PLA2G7: variants seen among roughly 807,000 people sequenced by gnomAD.
The protein encoded by PLA2G7 is phospholipase A2 group VII.
A neutral mutation model predicts 49.6 loss-of-function variants in PLA2G7; 63 were observed. That is an observed-to-expected ratio of 1.27 (90% CI 1.04 to 1.57). PLA2G7 has a LOEUF of 1.57. Ranked by LOEUF, PLA2G7 falls within the 40% of genes most tolerant of loss-of-function variation. The pLI, the probability that PLA2G7 is intolerant of heterozygous loss-of-function variation, is 0.00. For synonymous variants in PLA2G7, 193 were observed against 169.9 expected (o/e 1.14, Z -1.06); for missense variants, 596 against 521.2 (o/e 1.14, Z -1.40).
chr6:46,711,686 A>T, intron 6 of PLA2G7, 67 bp from the exon 7 acceptor site: 1 of 1,531,732 alleles, frequency 6.5e-7, no homozygotes, highest in Non-Finnish European at 9.0e-7. Context: ...CATGTTTCTC[A>T]GTTCCATCCT....
At chr6:46,705,606 A>G (rs1764791898) in intron 10 of PLA2G7, among the ~76,000 whole-genome samples, 1 of 152,220 alleles carries the variant, frequency 6.6e-6, no homozygotes, top group Non-Finnish European at 1.5e-5. Flanking sequence ...CAGTTTGAAT[A>G]CTGGAATGTG....
chr6:46,705,152 C>T lies in PLA2G7; in HGVS notation c.1189+1G>A, dbSNP rs1764766892. The T allele has an allele frequency of 6.2e-7, 1 of 1,605,256 alleles. No homozygotes were observed. Among genetic ancestry groups the T allele is most frequent in the Non-Finnish European group, 8.5e-7 (1 of 1,172,592 alleles). On this transcript the variant is annotated splice_donor_variant, in intron 11 of 11. Transcript: ENST00000274793. LOFTEE classifies it high-confidence loss of function. ...AGGTCATGAAAAAAATAGTTTCTTA[C>T]CTAAATGCTTTTGTAAGAATGCTAA...
At position 46,714,452 on chromosome 6, in the gene PLA2G7, A is replaced by C; in HGVS notation, c.470+8T>G. On this transcript the variant is annotated splice_region_variant and intron_variant, in intron 5 of 11. Coordinates refer to ENST00000274793, the MANE Select transcript of PLA2G7 (RefSeq NM_005084.4). ...GAAGCCAAAATTGTTCAACCTCTCA[A>C]ACATTACCTGAATGCCCCAAGACCA... 1 of 1,580,806 alleles carries C rather than the reference A, an allele frequency of 6.3e-7. No individual in the cohort carries two copies. Among genetic ancestry groups the C allele is most frequent in the African/African-American group, 1.3e-5 (1 of 74,260 alleles).
intron 8 of PLA2G7, among the ~76,000 whole-genome samples, chr6:46,710,161 T>C (rs1190017448): frequency 6.6e-6 from 1 of 152,146 alleles, no homozygotes; most frequent in Non-Finnish European, 1.5e-5. Flanking sequence ...TTTGAGTCTT[T>C]GTTCATGCTG....
At chr6:46,712,396 C>T in intron 5 of PLA2G7, 59 bp from the exon 6 acceptor site, 2 of 1,309,012 alleles carry the variant, frequency 1.5e-6, no homozygotes, top group Non-Finnish European at 2.2e-6. Context: ...AGGCTGAGTC[C>T]ACTAATAAAA....
intron 2 of PLA2G7, among the ~76,000 whole-genome samples, 161 bp from the exon 3 acceptor site, chr6:46,717,257 T>C (rs1765240730): frequency 6.6e-6 from 1 of 152,220 alleles, no homozygotes. Context: ...GTCTGCTCTG[T>C]TTGAAACACT....
In PLA2G7 at chr6:46,722,939, G is replaced by T; in HGVS notation, c.-34-14C>A. The T allele has an allele frequency of 9.2e-7, 1 of 1,086,072 alleles. No homozygotes were observed. The highest frequency in any genetic ancestry group is 1.4e-6 in the Non-Finnish European group (1 of 707,790). 67.3% of individuals were successfully genotyped at this position (1,086,072 alleles called of 1,614,324 possible). ...CAGCTTAGTCTCCTTCGAAGCAGATGATTAAAAGAAAAAAGAAGTATGCAA... is the reference window on the plus strand; with the variant it reads ...CAGCTTAGTCTCCTTCGAAGCAGATTATTAAAAGAAAAAAGAAGTATGCAA... On this transcript the variant is annotated splice_polypyrimidine_tract_variant and intron_variant, in intron 1 of 11. Coordinates refer to ENST00000274793, the MANE Select transcript of PLA2G7 (RefSeq NM_005084.4).
intron 10 of PLA2G7, among the ~76,000 whole-genome samples, chr6:46,706,582 C>T (rs555259727): frequency 2.0e-5 from 3 of 152,278 alleles, no homozygotes; most frequent in African/African-American, 7.2e-5. Flanking sequence ...AGGCAGCAGG[C>T]CTTTAGTGTC....
chr6:46,734,478 GAGAGAGAGA>G, intron 1 of PLA2G7, among the ~76,000 whole-genome samples: 2 of 123,158 alleles, frequency 1.6e-5, no homozygotes, highest in South Asian at 5.5e-4. Flanking sequence ...GAGAGAGAGA[GAGAGAGAGA>G]GAGACGGAGA....
At position 46,704,464 on chromosome 6, in the gene PLA2G7, TCTCTCTCTCTCTCTCA is replaced by T. The variant is rs1182810409; in HGVS notation, c.*80_*95del. 3.4e-4 allele frequency: 202 copies of T among 599,702 alleles called. No individual in the cohort carries two copies. The highest frequency in any genetic ancestry group is 1.2e-3 in the African/African-American group (30 of 25,292). 37.1% of individuals were successfully genotyped at this position (599,702 alleles called of 1,614,324 possible). A position where few individuals can be genotyped will look rare whatever the true frequency, so the allele number is the denominator to read the frequency against. ...AATTCTCTCTCTCTCTCTCTCTCTC[TCTCTCTCTCTCTCTCA>T]CACACACACACACACACACACACAC... On this transcript the variant is annotated 3_prime_UTR_variant, in exon 12 of 12. Coordinates refer to ENST00000274793, the MANE Select transcript of PLA2G7 (RefSeq NM_005084.4).
intron 2 of PLA2G7, among the ~76,000 whole-genome samples, chr6:46,719,894 A>G (rs550328581): frequency 5.8e-4 from 89 of 152,346 alleles, no homozygotes; most frequent in Non-Finnish European, 9.8e-4. Context: ...ACCTCTCCCC[A>G]GGTAGATTCA....
intron 1 of PLA2G7, among the ~76,000 whole-genome samples, chr6:46,725,382 C>T (rs895794887): frequency 6.6e-6 from 1 of 152,016 alleles, no homozygotes; most frequent in Non-Finnish European, 1.5e-5. Context: ...TAGGTGCCCA[C>T]CTCCATGCCC....
chr6:46,705,623 A>T (rs1351499314), intron 10 of PLA2G7, among the ~76,000 whole-genome samples: 3 of 152,212 alleles, frequency 2.0e-5, no homozygotes, highest in African/African-American at 7.2e-5. Context: ...TGTGTTCTGT[A>T]TTGAAGGGTC....
chr6:46,712,359 G>A (rs1426136845), intron 5 of PLA2G7, 22 bp from the exon 6 acceptor site: 1 of 1,558,688 alleles, frequency 6.4e-7, no homozygotes, highest in South Asian at 1.1e-5. Flanking sequence ...AAAGAGGGAA[G>A]AATTACAACT....
At chr6:46,717,735 CA>C (rs1436070067) in intron 2 of PLA2G7, among the ~76,000 whole-genome samples, 26 of 128,374 alleles carry the variant, frequency 2.0e-4, no homozygotes, top group South Asian at 7.5e-4. Context: ...TTTTTTGAGA[CA>C]GAGTCTCACC....
rs979870313 is a variant in PLA2G7 at position 46,705,076 on chromosome 6, T to C, written c.1189+77A>G. 7.7e-6 allele frequency: 8 copies of C among 1,032,784 alleles called. No homozygotes were observed. In the African/African-American group the frequency reaches 1.1e-4, roughly 14 times the overall value. 64.0% of individuals were successfully genotyped at this position (1,032,784 alleles called of 1,614,324 possible). On this transcript the variant is annotated intron_variant, in intron 11 of 11. Coordinates refer to ENST00000274793, the MANE Select transcript of PLA2G7 (RefSeq NM_005084.4). The stretch of plus-strand genomic sequence containing the variant: ...AACCAACTGGAAATAGTTTAAATAG[T>C]ACTAAAGCTGTATTAAGATAGACAG...
intron 2 of PLA2G7, among the ~76,000 whole-genome samples, chr6:46,717,706 TTTCTTTTTC>T (rs1334651402): frequency 6.8e-5 from 6 of 88,110 alleles, no homozygotes; most frequent in African/African-American, 3.2e-4. Flanking sequence ...TTCTTTCTTT[TTTCTTTTTC>T]TTTTTTTTTT....
At chr6:46,721,117 T>C (rs955155890) in intron 2 of PLA2G7, among the ~76,000 whole-genome samples, 2 of 152,222 alleles carry the variant, frequency 1.3e-5, no homozygotes, top group South Asian at 2.1e-4. Flanking sequence ...CTCAGCTTAC[T>C]GCAACCTCCT....
Position 46,714,522 on chromosome 6 carries a change from G to A in PLA2G7, c.408C>T (p.Ser136=). The change falls in exon 5 of 12, where the codon TCC becomes TCT. Residue 136 remains serine, a synonymous_variant. Transcript: ENST00000274793. ...GSMTTPANWN[S]PLRPGEKYPL... The stretch of plus-strand genomic sequence containing the variant: ...GATATTTTTCACCAGGCCTCAGAGG[G>A]GAATTCCAGTTTGCAGGAGTTGTCA... The A allele has an allele frequency of 6.2e-7, 1 of 1,611,910 alleles. No homozygotes were observed.
Sources: allele counts gnomAD v4.1 joint callset (sites outside exome capture counted in the v4.1 genomes callset), GRCh38; gene constraint gnomAD v4.1.1; transcripts MANE v1.5; gene names NCBI Gene and HGNC (gene_info 2026-07-23, HGNC 2026-07-21).